Variants in RBFOX1 observed in about 807,000 individuals in gnomAD.
RBFOX1 encodes the protein RNA binding protein fox-1 homolog 1.
In RBFOX1, 8 loss-of-function variants were observed where a neutral mutation model predicts 57.7. That is an observed-to-expected ratio of 0.14 (90% CI 0.08 to 0.25). RBFOX1 has a LOEUF of 0.25. Among genes scored for constraint, RBFOX1 ranks in the 10% least tolerant of loss-of-function variants. The pLI is 1.00. For synonymous variants in RBFOX1, 326 were observed against 222.4 expected (o/e 1.47, Z -4.15); for missense variants, 611 against 548.5 (o/e 1.11, Z -1.14).
At chr16:6,376,728 C>G (rs1211946435) in intron 2 of RBFOX1, among the ~76,000 whole-genome samples, 1 of 152,132 alleles carries the variant, frequency 6.6e-6, no homozygotes, top group Non-Finnish European at 1.5e-5. Context: ...AGCTCAGTGG[C>G]CTAAAACTAC....
At chr16:6,675,777 A>G (rs1049413886) in intron 3 of RBFOX1, among the ~76,000 whole-genome samples, 1 of 152,186 alleles carries the variant, frequency 6.6e-6, no homozygotes, top group Admixed American at 6.5e-5. Flanking sequence ...CACTACCACA[A>G]GAACAGTATG....
At chr16:6,741,441 A>G (rs918315492) in intron 3 of RBFOX1, among the ~76,000 whole-genome samples, 2 of 152,154 alleles carry the variant, frequency 1.3e-5, no homozygotes, top group African/African-American at 2.4e-5. Flanking sequence ...TAGCAGGTGG[A>G]TAACCTGAGG....
At chr16:6,637,804 A>G (rs1476867912) in intron 2 of RBFOX1, among the ~76,000 whole-genome samples, 3 of 151,944 alleles carry the variant, frequency 2.0e-5, no homozygotes, top group Non-Finnish European at 2.9e-5. Context: ...AGGATATTCC[A>G]TGGTCTCCAA....
intron 4 of RBFOX1, among the ~76,000 whole-genome samples, chr16:7,065,791 C>A (rs1486775929): frequency 6.6e-6 from 1 of 152,044 alleles, no homozygotes; most frequent in African/African-American, 2.4e-5. Context: ...ATTATTTGAC[C>A]AATATCTCCT....
chr16:5,484,178 A>G (rs1399106140), intron 2 of RBFOX1, among the ~76,000 whole-genome samples: 1 of 152,190 alleles, frequency 6.6e-6, no homozygotes, highest in South Asian at 2.1e-4. Context: ...CTCAAAAATA[A>G]AAACGAAAAC....
intron 4 of RBFOX1, among the ~76,000 whole-genome samples, chr16:7,088,631 G>GA (rs1252983468): frequency 5.3e-5 from 8 of 151,666 alleles, no homozygotes; most frequent in Middle Eastern, 6.8e-3. Context: ...CTTGAAGCAA[G>GA]AAAAAAATAG....
At chr16:7,321,810 A>G (rs954313195) in intron 4 of RBFOX1, among the ~76,000 whole-genome samples, 2 of 152,202 alleles carry the variant, frequency 1.3e-5, no homozygotes, top group African/African-American at 2.4e-5. Flanking sequence ...GTGTCCCACA[A>G]GGACACTGCT....
At chr16:6,070,191 A>G (rs1273392630) in intron 1 of RBFOX1, among the ~76,000 whole-genome samples, 1 of 152,234 alleles carries the variant, frequency 6.6e-6, no homozygotes, top group African/African-American at 2.4e-5. Flanking sequence ...AAGCTGTTGT[A>G]CAAAGATATG....
rs1337281463 is a variant in RBFOX1, at chr16:6,974,425, A to C, written c.-15-77632A>C. On this transcript the variant is annotated intron_variant, in intron 3 of 15. Coordinates refer to ENST00000550418, the MANE Select transcript of RBFOX1 (RefSeq NM_018723.4). ...AATGGTACAATCTCAGTTCACTGCA[A>C]CTTTCGCCTCCCAGGTTCAAGGAAT... is the stretch of plus-strand genomic sequence containing the variant. Among the ~76,000 whole-genome samples, 11 of 135,914 alleles carry C rather than the reference A, an allele frequency of 8.1e-5. 1 individual carries two copies. The highest frequency in any genetic ancestry group is 3.1e-4 in the African/African-American group (11 of 35,160). 89.2% of individuals were successfully genotyped at this position (135,914 alleles called of 152,430 possible).
At chr16:6,396,512 T>C (rs1229596947) in intron 2 of RBFOX1, among the ~76,000 whole-genome samples, 2 of 152,134 alleles carry the variant, frequency 1.3e-5, no homozygotes, top group African/African-American at 4.8e-5. Context: ...CATATTTATA[T>C]AAAAGAGGCT....
intron 2 of RBFOX1, among the ~76,000 whole-genome samples, chr16:6,334,709 AG>A (rs756114447): frequency 2.0e-5 from 3 of 152,136 alleles, no homozygotes; most frequent in African/African-American, 4.8e-5. Context: ...TCATTCGCAG[AG>A]GATCCCTGTA....
At chr16:6,503,013 G>T (rs909307830) in intron 2 of RBFOX1, among the ~76,000 whole-genome samples, 1 of 152,014 alleles carries the variant, frequency 6.6e-6, no homozygotes, top group African/African-American at 2.4e-5. Context: ...ATAGATAAAT[G>T]GGGAAAAGGA....
At chr16:5,501,337 A>AAAG (rs1449103616) in intron 2 of RBFOX1, among the ~76,000 whole-genome samples, 8 of 151,004 alleles carry the variant, frequency 5.3e-5, no homozygotes, top group African/African-American at 2.0e-4. Flanking sequence ...AAAAAAAAAA[A>AAAG]AAAAGAAAAA....
At chr16:6,246,947 A>G (rs981117280) in intron 1 of RBFOX1, among the ~76,000 whole-genome samples, 6 of 152,122 alleles carry the variant, frequency 3.9e-5, no homozygotes, top group African/African-American at 9.7e-5. Flanking sequence ...GCAGATGCCT[A>G]TAATCCCAGC....
intron 3 of RBFOX1, among the ~76,000 whole-genome samples, chr16:6,794,280 A>ATTTTTTTTT (rs372963833): frequency 8.0e-6 from 1 of 125,228 alleles, no homozygotes; most frequent in Non-Finnish European, 1.6e-5. Flanking sequence ...CTTGTTCGTG[A>ATTTTTTTTT]TTTTTTTTTT....
chr16:5,456,750 C>T (rs1409676521), intron 1 of RBFOX1, among the ~76,000 whole-genome samples: 2 of 152,174 alleles, frequency 1.3e-5, no homozygotes, highest in Non-Finnish European at 2.9e-5. Context: ...ACTAGGATGG[C>T]CCCTGTGAAG....
At chr16:5,704,220 G>T (rs1308908497) in intron 3 of RBFOX1, among the ~76,000 whole-genome samples, 1 of 152,204 alleles carries the variant, frequency 6.6e-6, no homozygotes, top group African/African-American at 2.4e-5. Context: ...AGTTGCAGAA[G>T]CTGCTGGATA....
At chr16:7,014,035 T>A (rs7194755) in intron 3 of RBFOX1, among the ~76,000 whole-genome samples, 1 of 152,052 alleles carries the variant, frequency 6.6e-6, no homozygotes, top group Non-Finnish European at 1.5e-5. Flanking sequence ...AACTTGAGGA[T>A]GAAATATGTA....
intron 1 of RBFOX1, chr16:5,366,509 C>T (rs368184797): frequency 7.7e-5 from 33 of 430,184 alleles, no homozygotes; most frequent in African/African-American, 5.6e-4. Context: ...GAAAAAACTG[C>T]TAAAACACCG....
Sources: allele counts gnomAD v4.1 joint callset (sites outside exome capture counted in the v4.1 genomes callset), GRCh38; gene constraint gnomAD v4.1.1; transcripts MANE v1.5; gene names NCBI Gene and HGNC (gene_info 2026-07-23, HGNC 2026-07-21).